DIAPH3: variants seen among roughly 807,000 people sequenced by gnomAD.
DIAPH3 encodes diaphanous related formin 3, also known as protein diaphanous homolog 3.
In DIAPH3, 117 loss-of-function variants were observed where a neutral mutation model predicts 144.3. The ratio of observed to expected loss-of-function variants is 0.81; its 90% CI spans 0.70 to 0.95. The LOEUF is 0.95. Among genes scored for constraint, DIAPH3 ranks in the 40% least tolerant of loss-of-function variants. The probability of loss-of-function intolerance (pLI) is 0.00; values close to 1 mark genes in which losing one functional copy is unlikely to be tolerated. For missense variants in DIAPH3, 1,421 were observed against 1,412.7 expected (o/e 1.01, Z -0.09); for synonymous variants, 519 against 488.9 (o/e 1.06, Z -0.81).
chr13:59,974,291 C>G, intron 15 of DIAPH3, 61 bp downstream of exon 15: 1 of 1,212,320 alleles, frequency 8.2e-7, no homozygotes. Flanking sequence ...GAAGATATAA[C>G]ATAACCTTTG....
rs1242121349 is a variant in DIAPH3, at chr13:60,163,656, G to A, written c.111C>T (p.Arg37=). 1 of 1,608,304 alleles carries A rather than the reference G, an allele frequency of 6.2e-7. No homozygotes were observed. Among genetic ancestry groups the A allele is most frequent in the Non-Finnish European group, 8.5e-7 (1 of 1,175,848 alleles). ...GCGGAGGGTGTTGGGGGCCCTTCCT[G>A]CGCGGCATCTTGCTTTCCCGGCAGC... The part of the protein sequence containing the change: ...LRGCRESKMP[R]RKGPQHPPPP... The change falls in exon 1 of 28, where the codon CGC becomes CGT. Residue 37 remains arginine (R), a synonymous_variant. Transcript: ENST00000400324.
At chr13:59,855,619 C>T (rs2043212413) in intron 22 of DIAPH3, among the ~76,000 whole-genome samples, 1 of 151,428 alleles carries the variant, frequency 6.6e-6, no homozygotes, top group Non-Finnish European at 1.5e-5. Flanking sequence ...GACATAAAAC[C>T]ATTAGGAGTC....
intron 2 of DIAPH3, among the ~76,000 whole-genome samples, chr13:60,118,461 C>T (rs1040736540): frequency 2.6e-5 from 4 of 152,106 alleles, no homozygotes; most frequent in South Asian, 2.1e-4. Context: ...GAAATTTTCA[C>T]GAAATCCAGG....
rs186173218 is a variant in DIAPH3, at chr13:59,727,361, G to A, written c.3319+46828C>T. Among the ~76,000 whole-genome samples, 20 of 152,294 alleles carry A rather than the reference G, an allele frequency of 1.3e-4. No homozygotes were observed. The East Asian group carries it at 3.9e-3, about 29-fold the overall frequency. The stretch of plus-strand genomic sequence containing the variant: ...ACTTCTCTGGGCTGATCCACAATCT[G>A]TCTTCTTCCCAAATGTCTGCCTAAA... On this transcript the variant is annotated intron_variant, in intron 27 of 27. Transcript: ENST00000400324.
At chr13:60,082,009 T>A in intron 4 of DIAPH3, among the ~76,000 whole-genome samples, 1 of 151,514 alleles carries the variant, frequency 6.6e-6, no homozygotes. Flanking sequence ...GAAAGACACC[T>A]CAAAGACAAA....
intron 18 of DIAPH3, among the ~76,000 whole-genome samples, chr13:59,918,271 A>G (rs1191906803): frequency 3.3e-5 from 5 of 151,866 alleles, no homozygotes; most frequent in African/African-American, 1.2e-4. Flanking sequence ...AGAGAAGTGA[A>G]CATAGAAATT....
rs192634954 is a variant in DIAPH3, at chr13:59,937,976, T to C, written c.2075-13106A>G. Among the ~76,000 whole-genome samples, 57 of 152,296 alleles carry C rather than the reference T, an allele frequency of 3.7e-4. No individual in the cohort carries two copies. In the East Asian group the frequency reaches 5.6e-3, roughly 15 times the overall value. The stretch of plus-strand genomic sequence containing the variant: ...ATCTGGACTTTCTGATACGTAGTTA[T>C]CCTGTCTCTCTCTCTCTGCTTTTAC... On this transcript the variant is annotated intron_variant, in intron 17 of 27. Transcript: ENST00000400324.
intron 27 of DIAPH3, among the ~76,000 whole-genome samples, chr13:59,743,650 T>A (rs553573544): frequency 2.2e-4 from 33 of 152,132 alleles, no homozygotes; most frequent in Non-Finnish European, 4.6e-4. Flanking sequence ...CCTTCACAGA[T>A]CTACTGAAGG....
chr13:59,803,901 T>C (rs955622952), intron 25 of DIAPH3, among the ~76,000 whole-genome samples: 9 of 152,200 alleles, frequency 5.9e-5, no homozygotes, highest in African/African-American at 2.2e-4. Flanking sequence ...TTCAGTTTCT[T>C]AATACCATCA....
intron 27 of DIAPH3, among the ~76,000 whole-genome samples, chr13:59,694,717 A>G (rs532249324): frequency 4.6e-5 from 7 of 152,188 alleles, no homozygotes; most frequent in Middle Eastern, 3.2e-3. Flanking sequence ...TATTGAAAAC[A>G]CAAACAAAGT....
rs114514387 is a variant in DIAPH3 at position 59,955,686 on chromosome 13, T to C, written c.2074+14258A>G. Among the ~76,000 whole-genome samples the C allele has an allele frequency of 6.9e-3, 1,048 of 152,196 alleles. 12 individuals are homozygous for C. The highest frequency in any genetic ancestry group is 0.023 in the African/African-American group (938 of 41,506). On this transcript the variant is annotated intron_variant, in intron 17 of 27. Transcript: ENST00000400324. ...AGAAGACAGAAAAATGTGGGAAAGT[T>C]TGGACCTTCCTAGAGACTTGGAGGG...
intron 24 of DIAPH3, among the ~76,000 whole-genome samples, chr13:59,829,132 C>A (rs2041633622): frequency 6.6e-6 from 1 of 151,904 alleles, no homozygotes; most frequent in African/African-American, 2.4e-5. Flanking sequence ...TCTAGAAACA[C>A]TGAGGAGAGA....
In DIAPH3 at chr13:59,958,967, C is replaced by G. The variant is rs1264259541; in HGVS notation, c.2074+10977G>C. Among the ~76,000 whole-genome samples the G allele has an allele frequency of 2.6e-5, 4 of 151,320 alleles. No homozygotes were observed. In the East Asian group the frequency reaches 7.8e-4, roughly 30 times the overall value. ...CTCGGCTCACTGCAACCTCCGCCTC[C>G]CGGGTTCAAGCGATTATCCTGCCTC... On this transcript the variant is annotated intron_variant, in intron 17 of 27. Coordinates refer to ENST00000400324, the MANE Select transcript of DIAPH3 (RefSeq NM_001042517.2).
rs370986868 is a variant in DIAPH3 at position 59,783,322 on chromosome 13, T to C, written c.3164-8499A>G. ...CATTTGGCTCAGCCAATTGTATATA[T>C]ATTGATATCATTTGCCAAGTACAGA... On this transcript the variant is annotated intron_variant, in intron 25 of 27. Coordinates refer to ENST00000400324, the MANE Select transcript of DIAPH3 (RefSeq NM_001042517.2). 2.0e-5 allele frequency among the ~76,000 whole-genome samples: 3 copies of C among 152,310 alleles called. No individual in the cohort carries two copies. The East Asian group carries it at 5.8e-4, about 29-fold the overall frequency.
intron 21 of DIAPH3, among the ~76,000 whole-genome samples, chr13:59,862,731 A>C (rs755234099): frequency 1.3e-5 from 2 of 152,024 alleles, no homozygotes; most frequent in Non-Finnish European, 2.9e-5. Flanking sequence ...TTTTTTCATG[A>C]TTGCCCCCTA....
intron 27 of DIAPH3, among the ~76,000 whole-genome samples, chr13:59,705,676 T>C (rs1209623205): frequency 6.6e-6 from 1 of 152,202 alleles, no homozygotes; most frequent in African/African-American, 2.4e-5. Context: ...ATTATTTTAG[T>C]CTTATGGCTG....
chr13:60,046,838 C>T (rs1162831875), intron 4 of DIAPH3, among the ~76,000 whole-genome samples: 2 of 152,096 alleles, frequency 1.3e-5, no homozygotes, highest in Admixed American at 1.3e-4. Context: ...ACAGATGAAG[C>T]TGGAAACCAT....
chr13:60,160,493 C>G (rs1481689365), intron 1 of DIAPH3, among the ~76,000 whole-genome samples: 1 of 152,204 alleles, frequency 6.6e-6, no homozygotes, highest in Non-Finnish European at 1.5e-5. Flanking sequence ...GCCACCACTA[C>G]CTGTGTGTTG....
At chr13:60,031,732 CTTTTTTTTTT>C (rs1165739891) in intron 5 of DIAPH3, among the ~76,000 whole-genome samples, 1 of 64,668 alleles carries the variant, frequency 1.5e-5, no homozygotes, top group Non-Finnish European at 2.6e-5. Flanking sequence ...GTCATTAAAT[CTTTTTTTTTT>C]TTTTTTTTTT....
Sources: allele counts gnomAD v4.1 joint callset (sites outside exome capture counted in the v4.1 genomes callset), GRCh38; gene constraint gnomAD v4.1.1; transcripts MANE v1.5; gene names NCBI Gene and HGNC (gene_info 2026-07-23, HGNC 2026-07-21).